The following ZCWPW2 variants were observed in gnomAD, a reference collection of about 807,000 sequenced individuals.
The protein encoded by ZCWPW2 is zinc finger CW-type and PWWP domain containing 2, also known as zinc finger CW-type PWWP domain protein 2.
A neutral mutation model predicts 46.6 loss-of-function variants in ZCWPW2; 45 were observed. That is an observed-to-expected ratio of 0.96 (90% CI 0.76 to 1.24). ZCWPW2 has a LOEUF of 1.24. ZCWPW2 is among the 50% of genes most tolerant of loss of function. The pLI is 0.00. For missense variants in ZCWPW2, 429 were observed against 403.9 expected (o/e 1.06, Z -0.53); for synonymous variants, 152 against 137.1 (o/e 1.11, Z -0.76).
chr3:28,404,817 G>T lies in ZCWPW2; in HGVS notation c.-13-8239G>T, dbSNP rs535971468. On this transcript the variant is annotated intron_variant, in intron 2 of 9. Coordinates refer to ENST00000383768, the MANE Select transcript of ZCWPW2 (RefSeq NM_001040432.4). The stretch of plus-strand genomic sequence containing the variant: ...CGTCATATTCCTCACTTACAAGTGG[G>T]AGCTAATCTATGAGGATGCAAAGGG... 2.8e-4 allele frequency among the ~76,000 whole-genome samples: 43 copies of T among 152,264 alleles called. 2 individuals are homozygous for T. The East Asian group carries it at 8.3e-3, about 29-fold the overall frequency.
At chr3:28,390,753 AT>A in intron 2 of ZCWPW2, 136 bp downstream of exon 2, 1 of 688,686 alleles carries the variant, frequency 1.5e-6, no homozygotes, top group Non-Finnish European at 1.8e-6. Context: ...TGAAATAATA[AT>A]TTTTCAGATA....
At chr3:28,420,963 C>G (rs1487061433) in intron 3 of ZCWPW2, among the ~76,000 whole-genome samples, 1 of 152,082 alleles carries the variant, frequency 6.6e-6, no homozygotes, top group Non-Finnish European at 1.5e-5. Flanking sequence ...ATTGTATTTT[C>G]AGTTCTGAAA....
intron 2 of ZCWPW2, among the ~76,000 whole-genome samples, chr3:28,403,891 A>G (rs950716901): frequency 5.3e-5 from 8 of 152,176 alleles, no homozygotes; most frequent in African/African-American, 1.9e-4. Flanking sequence ...ACAAAAATCA[A>G]CTCAAGATGG....
chr3:28,382,587 T>G (rs183146912), intron 1 of ZCWPW2, among the ~76,000 whole-genome samples: 797 of 152,344 alleles, frequency 5.2e-3, no homozygotes, highest in Non-Finnish European at 9.1e-3. Context: ...TTTTGAATAC[T>G]TACTATTGTG....
Position 28,435,000 on chromosome 3 carries a change from G to A in ZCWPW2, c.333-110G>A, listed in dbSNP as rs1049403181. 57 of 1,126,884 alleles carry A rather than the reference G, an allele frequency of 5.1e-5. No homozygotes were observed. In the African/African-American group the frequency reaches 8.6e-4, roughly 17 times the overall value. 69.8% of individuals were successfully genotyped at this position (1,126,884 alleles called of 1,614,324 possible). Reference sequence around the variant, plus strand: ...AGATATAAGTAGGAATATATGTTTTGTGAAAAGGCATTAAAATTCAAAGGA... The same window carrying A: ...AGATATAAGTAGGAATATATGTTTTATGAAAAGGCATTAAAATTCAAAGGA... On this transcript the variant is annotated intron_variant, in intron 3 of 9. Coordinates refer to ENST00000383768, the MANE Select transcript of ZCWPW2 (RefSeq NM_001040432.4).
At chr3:28,438,591 A>G (rs1476698371) in intron 4 of ZCWPW2, among the ~76,000 whole-genome samples, 2 of 152,226 alleles carry the variant, frequency 1.3e-5, no homozygotes, top group Non-Finnish European at 2.9e-5. Flanking sequence ...AACTTACCAC[A>G]TTATTAGACT....
At chr3:28,369,064 T>G (rs914385448) in intron 1 of ZCWPW2, among the ~76,000 whole-genome samples, 1 of 151,966 alleles carries the variant, frequency 6.6e-6, no homozygotes, top group East Asian at 1.9e-4. Flanking sequence ...ATTCGTCTAA[T>G]TTTTTTTCAA....
intron 6 of ZCWPW2, among the ~76,000 whole-genome samples, chr3:28,513,322 A>C (rs1211764611): frequency 6.6e-6 from 1 of 152,156 alleles, no homozygotes; most frequent in Non-Finnish European, 1.5e-5. Context: ...CTTCGTGTTA[A>C]TTATTCGATT....
chr3:28,361,351 A>C (rs1704937466), intron 1 of ZCWPW2, among the ~76,000 whole-genome samples: 1 of 152,226 alleles, frequency 6.6e-6, no homozygotes, highest in Non-Finnish European at 1.5e-5. Context: ...TTGGACCTTT[A>C]TCTTACACCA....
chr3:28,380,358 C>A (rs1043252804), intron 1 of ZCWPW2, among the ~76,000 whole-genome samples: 2 of 152,148 alleles, frequency 1.3e-5, no homozygotes, highest in African/African-American at 4.8e-5. Context: ...GCTCTGACCC[C>A]ACAACATTTT....
chr3:28,370,378 A>T lies in ZCWPW2; in HGVS notation c.-133-20120A>T, dbSNP rs142081255. ...GCTAGCAGTTTTAGAATAGATAAAT[A>T]AGTTGTGGTATATTTTCATAATGGA... is the stretch of plus-strand genomic sequence containing the variant. On this transcript the variant is annotated intron_variant, in intron 1 of 9. Coordinates refer to ENST00000383768, the MANE Select transcript of ZCWPW2 (RefSeq NM_001040432.4). 1.7e-3 allele frequency among the ~76,000 whole-genome samples: 253 copies of T among 152,344 alleles called. 1 individual carries two copies. The highest frequency in any genetic ancestry group is 3.5e-3 in the Admixed American group (53 of 15,298).
At chr3:28,427,398 C>T (rs1264572781) in intron 3 of ZCWPW2, among the ~76,000 whole-genome samples, 1 of 152,158 alleles carries the variant, frequency 6.6e-6, no homozygotes, top group Non-Finnish European at 1.5e-5. Context: ...TCTATTGTCT[C>T]TGCTCAGCTT....
chr3:28,441,187 C>G (rs996084172), intron 4 of ZCWPW2, among the ~76,000 whole-genome samples: 1 of 152,214 alleles, frequency 6.6e-6, no homozygotes, highest in Non-Finnish European at 1.5e-5. Flanking sequence ...TCCTTCTTTT[C>G]TGGCGTCACC....
rs1651288405 is a variant in ZCWPW2 at position 28,349,296 on chromosome 3, G to C, written c.-134+93G>C. The C allele has an allele frequency of 8.9e-6, 7 of 788,090 alleles. No individual in the cohort carries two copies. The South Asian group carries it at 3.4e-4, about 39-fold the overall frequency. The allele number at this position is 788,090 out of a possible 1,614,324, so 48.8% of individuals were successfully genotyped here. A position where few individuals can be genotyped will look rare whatever the true frequency, so the allele number is the denominator to read the frequency against. ...TCTTTTTCACTCAGTGTCCTTTTGG[G>C]GGGTCCCCGGGCCGTGTGGTGCGTG... is the stretch of plus-strand genomic sequence containing the variant. On this transcript the variant is annotated intron_variant, in intron 1 of 9. Coordinates refer to ENST00000383768, the MANE Select transcript of ZCWPW2 (RefSeq NM_001040432.4).
intron 2 of ZCWPW2, among the ~76,000 whole-genome samples, chr3:28,393,526 C>T (rs538436710): frequency 1.3e-4 from 20 of 151,896 alleles, no homozygotes; most frequent in Non-Finnish European, 1.8e-4. Flanking sequence ...TGAACGTAGA[C>T]GCAAAAATCC....
chr3:28,359,644 C>G (rs1704865815), intron 1 of ZCWPW2, among the ~76,000 whole-genome samples: 1 of 149,512 alleles, frequency 6.7e-6, no homozygotes, highest in Admixed American at 6.8e-5. Context: ...TTCATCCTTA[C>G]AAAAAACTGT....
intron 9 of ZCWPW2, among the ~76,000 whole-genome samples, chr3:28,523,961 T>A (rs1268489190): frequency 6.6e-6 from 1 of 152,072 alleles, no homozygotes; most frequent in Non-Finnish European, 1.5e-5. Context: ...AAAGGGTACA[T>A]TTTTGTTATG....
chr3:28,379,100 ATTTACCTT>A (rs1705589481), intron 1 of ZCWPW2, among the ~76,000 whole-genome samples: 2 of 152,114 alleles, frequency 1.3e-5, no homozygotes, highest in African/African-American at 4.8e-5. Context: ...GGGGTCTTGT[ATTTACCTT>A]TTCATTTTAT....
At chr3:28,522,879 C>A (rs1700758890) in intron 9 of ZCWPW2, among the ~76,000 whole-genome samples, 1 of 152,042 alleles carries the variant, frequency 6.6e-6, no homozygotes, top group Non-Finnish European at 1.5e-5. Flanking sequence ...TCTTTTTCAG[C>A]AAATGTGTGT....
Sources: allele counts gnomAD v4.1 joint callset (sites outside exome capture counted in the v4.1 genomes callset), GRCh38; gene constraint gnomAD v4.1.1; transcripts MANE v1.5; gene names NCBI Gene and HGNC (gene_info 2026-07-23, HGNC 2026-07-21).